ASIC2: variants seen among roughly 807,000 people sequenced by gnomAD.
ASIC2 encodes the protein acid sensing ion channel subunit 2, also known as acid-sensing ion channel 2.
ASIC2 carries 25 observed loss-of-function variants against 57.3 expected under a neutral mutation model. The ratio of observed to expected loss-of-function variants is 0.44; its 90% CI spans 0.32 to 0.61. The LOEUF is 0.61. Among genes scored for constraint, ASIC2 ranks in the 20% least tolerant of loss-of-function variants. ASIC2 has a pLI of 0.06. For synonymous variants in ASIC2, 319 were observed against 307.5 expected (o/e 1.04, Z -0.39); for missense variants, 641 against 738.1 (o/e 0.87, Z 1.52).
At chr17:33,077,396 G>T (rs975503890) in intron 3 of ASIC2, among the ~76,000 whole-genome samples, 1 of 152,068 alleles carries the variant, frequency 6.6e-6, no homozygotes, top group African/African-American at 2.4e-5. Flanking sequence ...TACAGTGTTA[G>T]GCTTGTGCTA....
chr17:33,785,539 G>A (rs899465761), intron 1 of ASIC2, among the ~76,000 whole-genome samples: 3 of 152,166 alleles, frequency 2.0e-5, no homozygotes, highest in Admixed American at 6.5e-5. Flanking sequence ...TCACCTTGCT[G>A]TTGAGCCAAT....
At chr17:33,371,554 A>G (rs1909061678) in intron 1 of ASIC2, among the ~76,000 whole-genome samples, 1 of 152,190 alleles carries the variant, frequency 6.6e-6, no homozygotes, top group African/African-American at 2.4e-5. Flanking sequence ...TGACTCTGCC[A>G]CTGACTCATC....
At chr17:33,331,884 A>T (rs1907327290) in intron 1 of ASIC2, among the ~76,000 whole-genome samples, 1 of 152,250 alleles carries the variant, frequency 6.6e-6, no homozygotes, top group South Asian at 2.1e-4. Flanking sequence ...GCAACTGCGA[A>T]TAGGACAAAA....
At chr17:33,324,401 T>A (rs577775040) in intron 1 of ASIC2, among the ~76,000 whole-genome samples, 26 of 152,264 alleles carry the variant, frequency 1.7e-4, no homozygotes, top group Admixed American at 1.4e-3. Context: ...CTGGGGCTGG[T>A]GTTCTGACAG....
intron 1 of ASIC2, among the ~76,000 whole-genome samples, chr17:33,920,570 G>A (rs1476926236): frequency 2.0e-5 from 3 of 151,430 alleles, no homozygotes; most frequent in Non-Finnish European, 2.9e-5. Context: ...GGGAGACAGG[G>A]AGGGGGACAA....
rs903648803 is a variant in ASIC2, at chr17:33,243,591, T to C, written c.708+47817A>G. On this transcript the variant is annotated intron_variant, in intron 1 of 9. Coordinates refer to ENST00000225823, the MANE Select transcript of ASIC2 (RefSeq NM_183377.2). ...AAGCCTGTTTCGCCATCAGTAATTG[T>C]GTGTGGAATAGACTGTGTGTGATGT... Among the ~76,000 whole-genome samples, 5 of 152,124 alleles carry C rather than the reference T, an allele frequency of 3.3e-5. No individual in the cohort carries two copies. The South Asian group carries it at 6.2e-4, about 19-fold the overall frequency.
chr17:33,240,818 T>G lies in ASIC2; in HGVS notation c.708+50590A>C, dbSNP rs1356840053. Among the ~76,000 whole-genome samples the G allele has an allele frequency of 4.6e-5, 7 of 152,130 alleles. No individual in the cohort carries two copies. In the East Asian group the frequency reaches 1.2e-3, roughly 25 times the overall value. ...AAATCAAGATGCTCTTAGGGACCTATTCCCTGTCCTCTCCATAGCCAGCCC... is the reference window on the plus strand; with the variant it reads ...AAATCAAGATGCTCTTAGGGACCTAGTCCCTGTCCTCTCCATAGCCAGCCC... On this transcript the variant is annotated intron_variant, in intron 1 of 9. Coordinates refer to ENST00000225823, the MANE Select transcript of ASIC2 (RefSeq NM_183377.2).
At chr17:34,044,391 A>G (rs1908259683) in intron 1 of ASIC2, among the ~76,000 whole-genome samples, 1 of 152,216 alleles carries the variant, frequency 6.6e-6, no homozygotes, top group Non-Finnish European at 1.5e-5. Context: ...TAATAAAATT[A>G]AAAAGTCAAA....
chr17:34,107,009 GC>G (rs1342001430), intron 1 of ASIC2, among the ~76,000 whole-genome samples: 1 of 151,954 alleles, frequency 6.6e-6, no homozygotes, highest in East Asian at 1.9e-4. Flanking sequence ...ATATACATAT[GC>G]GCAAACCTAG....
intron 1 of ASIC2, among the ~76,000 whole-genome samples, chr17:33,768,961 C>T (rs1247132915): frequency 6.6e-6 from 1 of 152,126 alleles, no homozygotes; most frequent in Non-Finnish European, 1.5e-5. Context: ...AATGAAATTC[C>T]CCACCCTCCA....
intron 1 of ASIC2, among the ~76,000 whole-genome samples, chr17:33,266,842 C>G (rs1465488632): frequency 1.3e-5 from 2 of 152,142 alleles, no homozygotes; most frequent in African/African-American, 4.8e-5. Flanking sequence ...CTCCCTGTGA[C>G]TTTATTTCCA....
chr17:33,363,665 T>C (rs758809254), intron 1 of ASIC2, among the ~76,000 whole-genome samples: 85 of 152,306 alleles, frequency 5.6e-4, no homozygotes, highest in Non-Finnish European at 1.0e-3. Flanking sequence ...CACAGGTCAG[T>C]TGGGCCCAGC....
intron 1 of ASIC2, among the ~76,000 whole-genome samples, chr17:33,282,105 A>C (rs1904973893): frequency 6.6e-6 from 1 of 152,228 alleles, no homozygotes; most frequent in African/African-American, 2.4e-5. Context: ...TCGTTCACTA[A>C]TGTGGATTCA....
intron 1 of ASIC2, among the ~76,000 whole-genome samples, chr17:34,136,989 G>A (rs137953239): frequency 1.3e-5 from 2 of 152,124 alleles, no homozygotes; most frequent in African/African-American, 4.8e-5. Context: ...CTTTTCACTT[G>A]TTATATTCTA....
At chr17:33,732,801 C>T (rs1909788736) in intron 1 of ASIC2, among the ~76,000 whole-genome samples, 1 of 152,088 alleles carries the variant, frequency 6.6e-6, no homozygotes, top group Non-Finnish European at 1.5e-5. Context: ...CCAAGCCTGG[C>T]TAATATTTGT....
chr17:33,799,427 C>CTTCT lies in ASIC2; in HGVS notation c.555+356547_555+356550dup, dbSNP rs201420934. ...CTTTTCTTTCTTTCTTTCTTTCTTT[C>CTTCT]TTCTTTCTTTCTTTCTTTCTTTCTT... On this transcript the variant is annotated intron_variant, in intron 1 of 9. Coordinates refer to the ASIC2 transcript ENST00000359872. 8.8e-3 allele frequency among the ~76,000 whole-genome samples: 741 copies of CTTCT among 84,042 alleles called. 12 individuals carry two copies. The highest frequency in any genetic ancestry group is 0.035 in the Admixed American group (260 of 7,360). 55.1% of individuals were successfully genotyped at this position (84,042 alleles called of 152,430 possible). A position where few individuals can be genotyped will look rare whatever the true frequency, so the allele number is the denominator to read the frequency against.
chr17:33,146,140 G>T (rs1904553129), intron 1 of ASIC2, among the ~76,000 whole-genome samples: 1 of 152,220 alleles, frequency 6.6e-6, no homozygotes, highest in South Asian at 2.1e-4. Context: ...AGAACAGGAA[G>T]CTCAACTTCC....
chr17:33,622,988 T>C (rs1016830084), intron 1 of ASIC2, among the ~76,000 whole-genome samples: 4 of 152,220 alleles, frequency 2.6e-5, no homozygotes, highest in Admixed American at 1.3e-4. Context: ...AATTTTTTAT[T>C]TGGACATTTA....
At chr17:33,652,832 A>G (rs972573315) in intron 1 of ASIC2, among the ~76,000 whole-genome samples, 1 of 152,226 alleles carries the variant, frequency 6.6e-6, no homozygotes, top group Non-Finnish European at 1.5e-5. Flanking sequence ...GCACACCAAC[A>G]GCACTGCCAG....
Sources: gnomAD v4.1 joint callset for allele counts (sites outside exome capture counted in the v4.1 genomes callset) on GRCh38, gnomAD v4.1.1 for gene constraint, MANE v1.5 for transcripts, NCBI Gene and HGNC (gene_info 2026-07-23, HGNC 2026-07-21) for gene names.